Variants in STAG1 observed in about 807,000 individuals in gnomAD.
The protein encoded by STAG1 is STAG1 cohesin complex component, also known as cohesin subunit SA-1.
STAG1 carries 26 observed loss-of-function variants against 170.9 expected under a neutral mutation model. That is an observed-to-expected ratio of 0.15 (90% CI 0.11 to 0.21). The LOEUF is 0.21. Ranked by LOEUF, STAG1 falls within the 10% of genes least tolerant of loss-of-function variation. The pLI is 1.00. For synonymous variants in STAG1, 514 were observed against 497.7 expected (o/e 1.03, Z -0.44); for missense variants, 964 against 1,509.5 (o/e 0.64, Z 5.99).
chr3:136,362,605 C>CAAAAAAAAAAAAAAAAAAAAAA (rs1237413699), intron 26 of STAG1, among the ~76,000 whole-genome samples: 29 of 42,242 alleles, frequency 6.9e-4, no homozygotes, highest in Non-Finnish European at 9.6e-4. Flanking sequence ...ATCATCTCTG[C>CAAAAAAAAAAAAAAAAAAAAAA]AAAAAAAAAA....
intron 32 of STAG1, among the ~76,000 whole-genome samples, chr3:136,340,091 T>C (rs1316717656): frequency 6.6e-6 from 1 of 152,230 alleles, no homozygotes; most frequent in Admixed American, 6.5e-5. Flanking sequence ...CCCACTGTTG[T>C]TGATCAGTGT....
At chr3:136,717,982 G>C (rs1262530297) in intron 1 of STAG1, among the ~76,000 whole-genome samples, 1 of 152,048 alleles carries the variant, frequency 6.6e-6, no homozygotes, top group Admixed American at 6.6e-5. Context: ...ATCTTTTTCT[G>C]ATAGAAGGGG....
chr3:136,599,157 T>A (rs953772448), intron 4 of STAG1, among the ~76,000 whole-genome samples: 1 of 152,102 alleles, frequency 6.6e-6, no homozygotes, highest in Non-Finnish European at 1.5e-5. Context: ...GCACTATTCA[T>A]AATAGGAAAG....
intron 6 of STAG1, among the ~76,000 whole-genome samples, chr3:136,522,803 G>A (rs1031702396): frequency 1.4e-5 from 2 of 145,726 alleles, no homozygotes; most frequent in African/African-American, 5.1e-5. Flanking sequence ...CCACCTATGA[G>A]TGAGAACATG....
In STAG1 at chr3:136,473,562, C is replaced by A; in HGVS notation, c.1102G>T (p.Glu368Ter). ...YTNRELFPKL[E>*]LFTNRFKDRI... ...ACCTTGAATCGGTTAGTGAATAGTTCCAATTTGGGGAATAATTCTCTATTG... is the reference window on the plus strand; with the variant it reads ...ACCTTGAATCGGTTAGTGAATAGTTACAATTTGGGGAATAATTCTCTATTG... Residue 368 changes from glutamate (E) to a stop codon, truncating the protein, a stop_gained, in exon 11 of 34, where the codon GAA (glutamate) becomes TAA (stop). Coordinates refer to ENST00000383202, the MANE Select transcript of STAG1 (RefSeq NM_005862.3). LOFTEE classifies it high-confidence loss of function. 1 of 1,611,462 alleles carries A rather than the reference C, an allele frequency of 6.2e-7. No individual in the cohort carries two copies. The highest frequency in any genetic ancestry group is 1.1e-5 in the South Asian group (1 of 90,714).
intron 1 of STAG1, among the ~76,000 whole-genome samples, chr3:136,744,413 T>A (rs1164913219): frequency 6.6e-6 from 1 of 152,170 alleles, no homozygotes; most frequent in Non-Finnish European, 1.5e-5. Context: ...AAGCTTGAAT[T>A]TACTATCTTA....
chr3:136,504,421 A>T (rs1933650787), intron 7 of STAG1, among the ~76,000 whole-genome samples: 1 of 152,240 alleles, frequency 6.6e-6, no homozygotes. Context: ...TGTCTCAAAC[A>T]GTAAACTGAG....
chr3:136,346,612 T>C (rs1560047703), intron 29 of STAG1, among the ~76,000 whole-genome samples: 1 of 152,268 alleles, frequency 6.6e-6, no homozygotes, highest in Non-Finnish European at 1.5e-5. Context: ...CTTTAGTTTC[T>C]TTTGTGAAAA....
intron 7 of STAG1, among the ~76,000 whole-genome samples, chr3:136,516,933 A>G (rs1934408098): frequency 6.6e-6 from 1 of 152,222 alleles, no homozygotes; most frequent in Admixed American, 6.5e-5. Context: ...CCACAGTATT[A>G]CATGATTTCA....
At chr3:136,604,578 T>C in intron 3 of STAG1, 105 bp from the exon 4 acceptor site, 1 of 1,036,316 alleles carries the variant, frequency 9.6e-7, no homozygotes, top group South Asian at 2.1e-5. Flanking sequence ...AAAGAAACTT[T>C]AAAATTTCTT....
In STAG1 at chr3:136,379,899, TGAA is replaced by T. The variant is rs1311749684; in HGVS notation, c.2278-2150_2278-2148del. On this transcript the variant is annotated intron_variant, in intron 22 of 33. Coordinates refer to ENST00000383202, the MANE Select transcript of STAG1 (RefSeq NM_005862.3). Reference sequence around the variant, plus strand: ...TGTCCTGCTGGCAATGAGGAACTACTGAAGAAGGATTTTTAGCATAAGAGTGCT... The same window carrying T: ...TGTCCTGCTGGCAATGAGGAACTACTGAAGGATTTTTAGCATAAGAGTGCT... Among the ~76,000 whole-genome samples, 4 of 152,324 alleles carry T rather than the reference TGAA, an allele frequency of 2.6e-5. No homozygotes were observed. In the East Asian group the frequency reaches 5.8e-4, roughly 22 times the overall value.
At chr3:136,467,725 C>A (rs2089507618) in intron 12 of STAG1, among the ~76,000 whole-genome samples, 1 of 152,178 alleles carries the variant, frequency 6.6e-6, no homozygotes, top group South Asian at 2.1e-4. Context: ...AGCACCACAT[C>A]ACACTTATTC....
In STAG1 at chr3:136,613,494, A is replaced by T. The variant is rs139792429; in HGVS notation, c.133-9021T>A. ...GATTTGAAGCCTTTAAATAGTTAAT[A>T]ATTATTTTTTAAGATGGAGTCTTAC... On this transcript the variant is annotated intron_variant, in intron 3 of 33. Coordinates refer to ENST00000383202, the MANE Select transcript of STAG1 (RefSeq NM_005862.3). 2.3e-3 allele frequency among the ~76,000 whole-genome samples: 348 copies of T among 152,004 alleles called. 3 individuals are homozygous for T. In the East Asian group the frequency reaches 0.034, roughly 15 times the overall value.
chr3:136,338,053 C>G lies in STAG1; in HGVS notation c.*201G>C. ...ACAAATGATTTTCAGGTCAGTCTTT[C>G]TGAGTTGACATTCACCAACATTCCC... On this transcript the variant is annotated 3_prime_UTR_variant, in exon 34 of 34. Coordinates refer to ENST00000383202, the MANE Select transcript of STAG1 (RefSeq NM_005862.3). The G allele has an allele frequency of 1.8e-6, 1 of 556,186 alleles. No individual in the cohort carries two copies. Among genetic ancestry groups the G allele is most frequent in the South Asian group, 2.6e-5 (1 of 38,042 alleles). The allele number at this position is 556,186 out of a possible 1,614,324, so 34.5% of individuals were successfully genotyped here.
chr3:136,467,129 T>A (rs536394322), intron 12 of STAG1, among the ~76,000 whole-genome samples: 15 of 152,164 alleles, frequency 9.9e-5, no homozygotes, highest in Admixed American at 9.8e-4. Flanking sequence ...CATCATAACG[T>A]AACGACAGGA....
intron 5 of STAG1, among the ~76,000 whole-genome samples, chr3:136,567,004 T>C (rs909350993): frequency 5.3e-5 from 8 of 152,166 alleles, no homozygotes; most frequent in African/African-American, 1.7e-4. Flanking sequence ...TCCTACCCTA[T>C]AGGTATGAAA....
At chr3:136,700,940 G>A (rs547851594) in intron 1 of STAG1, among the ~76,000 whole-genome samples, 30 of 142,794 alleles carry the variant, frequency 2.1e-4, no homozygotes, top group East Asian at 8.8e-4. Flanking sequence ...GGAGTGCAGC[G>A]GCATGATCTT....
At chr3:136,714,511 G>A (rs1260098748) in intron 1 of STAG1, among the ~76,000 whole-genome samples, 4 of 151,400 alleles carry the variant, frequency 2.6e-5, no homozygotes, top group African/African-American at 4.9e-5. Context: ...GGTGGATCAC[G>A]AGGTCAGGAG....
At position 136,387,957 on chromosome 3, in the gene STAG1, A is replaced by G. The variant is rs116010863; in HGVS notation, c.2278-10205T>C. On this transcript the variant is annotated intron_variant, in intron 22 of 33. Transcript: ENST00000383202. ...ACTTGAATTCCCAAATTATCCCAAA[A>G]ATTCAGATGGAGGACTAAATCTATC... Among the ~76,000 whole-genome samples, 477 of 152,236 alleles carry G rather than the reference A, an allele frequency of 3.1e-3. 6 individuals carry two copies. The highest frequency in any genetic ancestry group is 0.011 in the African/African-American group (461 of 41,542).
Sources: allele counts gnomAD v4.1 joint callset (sites outside exome capture counted in the v4.1 genomes callset), GRCh38; gene constraint gnomAD v4.1.1; transcripts MANE v1.5; gene names NCBI Gene and HGNC (gene_info 2026-07-23, HGNC 2026-07-21).